Variants in GSK3B observed in about 807,000 individuals in gnomAD.
GSK3B encodes glycogen synthase kinase-3 beta.
GSK3B carries 15 observed loss-of-function variants against 56.4 expected under a neutral mutation model. The ratio of observed to expected loss-of-function variants is 0.27; its 90% CI spans 0.18 to 0.41. The LOEUF is 0.41. GSK3B is among the 10% of genes least tolerant of loss of function. The probability of loss-of-function intolerance (pLI) is 1.00; values close to 1 mark genes in which losing one functional copy is unlikely to be tolerated. For missense variants in GSK3B, 300 were observed against 513.4 expected, an observed-to-expected ratio of 0.58 and a Z score of 4.02; for synonymous variants, 181 against 188.9, an observed-to-expected ratio of 0.96 and a Z score of 0.34.
intron 2 of GSK3B, among the ~76,000 whole-genome samples, chr3:119,952,808 C>T (rs1164815558): frequency 1.3e-5 from 2 of 151,756 alleles, no homozygotes; most frequent in African/African-American, 2.4e-5. Context: ...GACATCCTCA[C>T]ACTTAAAAAA....
intron 2 of GSK3B, among the ~76,000 whole-genome samples, chr3:119,967,875 C>T (rs2057333933): frequency 7.7e-6 from 1 of 130,314 alleles, no homozygotes; most frequent in South Asian, 2.6e-4. Flanking sequence ...TCCTTTCTTT[C>T]TTGAAAGAGT....
intron 7 of GSK3B, among the ~76,000 whole-genome samples, chr3:119,885,814 A>G (rs1213059378): frequency 6.6e-6 from 1 of 152,174 alleles, no homozygotes; most frequent in Non-Finnish European, 1.5e-5. Context: ...TTCCCTATTC[A>G]ATAAATGGTG....
intron 1 of GSK3B, chr3:120,028,941 A>G: frequency 3.6e-6 from 2 of 553,164 alleles, no homozygotes; most frequent in Non-Finnish European, 6.8e-6. Context: ...ACACAGGCAC[A>G]AGTGGTGAAG....
chr3:120,015,264 CT>C (rs1351789063), intron 1 of GSK3B, among the ~76,000 whole-genome samples: 1 of 152,178 alleles, frequency 6.6e-6, no homozygotes, highest in African/African-American at 2.4e-5. Context: ...CCACTATGCT[CT>C]TTTACCACTC....
intron 1 of GSK3B, among the ~76,000 whole-genome samples, chr3:120,025,692 A>C (rs2057916618): frequency 6.6e-6 from 1 of 152,196 alleles, no homozygotes; most frequent in Non-Finnish European, 1.5e-5. Flanking sequence ...GTTAAACTCA[A>C]GGATAAAAAA....
intron 2 of GSK3B, among the ~76,000 whole-genome samples, chr3:119,996,841 T>C (rs555129799): frequency 6.6e-6 from 1 of 152,130 alleles, no homozygotes; most frequent in East Asian, 1.9e-4. Context: ...CAAAGCTATA[T>C]AGCAAGTCTG....
intron 3 of GSK3B, among the ~76,000 whole-genome samples, chr3:119,938,538 G>A (rs868275665): frequency 1.3e-5 from 2 of 151,934 alleles, no homozygotes; most frequent in South Asian, 2.1e-4. Flanking sequence ...AACCCCACAC[G>A]ATCATTTCAA....
chr3:119,980,855 A>T (rs1301592585), intron 2 of GSK3B, among the ~76,000 whole-genome samples: 3 of 152,344 alleles, frequency 2.0e-5, no homozygotes, highest in Middle Eastern at 3.4e-3. Flanking sequence ...AAAGAATCTT[A>T]TATGGTAAAT....
At chr3:119,913,732 C>G (rs1385478126) in intron 5 of GSK3B, among the ~76,000 whole-genome samples, 1 of 151,762 alleles carries the variant, frequency 6.6e-6, no homozygotes, top group Non-Finnish European at 1.5e-5. Flanking sequence ...ATTTCAATGA[C>G]TGGGATTTCT....
intron 3 of GSK3B, among the ~76,000 whole-genome samples, chr3:119,942,302 A>G (rs2057057380): frequency 6.6e-6 from 1 of 151,976 alleles, no homozygotes. Context: ...TTTTATTTTT[A>G]TTTTTTATTT....
chr3:119,838,626 T>C (rs1366631313), intron 10 of GSK3B, among the ~76,000 whole-genome samples: 2 of 152,160 alleles, frequency 1.3e-5, no homozygotes, highest in Non-Finnish European at 2.9e-5. Flanking sequence ...TTCATGAAAA[T>C]TGTTTTTTAT....
chr3:119,873,242 T>G (rs1427288568), intron 8 of GSK3B, among the ~76,000 whole-genome samples: 1 of 152,166 alleles, frequency 6.6e-6, no homozygotes, highest in Non-Finnish European at 1.5e-5. Context: ...CTCAGTGTTA[T>G]TTTTCTGCTA....
chr3:120,001,368 C>T (rs1396760136), intron 2 of GSK3B, among the ~76,000 whole-genome samples: 1 of 152,068 alleles, frequency 6.6e-6, no homozygotes, highest in Non-Finnish European at 1.5e-5. Context: ...CCCGTTTCTA[C>T]AAAATAGTAA....
At chr3:119,828,328 G>A (rs2055546928) in intron 10 of GSK3B, among the ~76,000 whole-genome samples, 1 of 152,164 alleles carries the variant, frequency 6.6e-6, no homozygotes, top group Non-Finnish European at 1.5e-5. Flanking sequence ...TGCTGTTTTA[G>A]TGGCTATCAA....
intron 1 of GSK3B, among the ~76,000 whole-genome samples, chr3:120,009,494 T>C (rs2057760409): frequency 6.6e-6 from 1 of 152,212 alleles, no homozygotes; most frequent in Non-Finnish European, 1.5e-5. Context: ...CATGGAATAC[T>C]ATGCCGCCAT....
chr3:120,065,278 T>C (rs1237705358), intron 1 of GSK3B, among the ~76,000 whole-genome samples: 1 of 151,914 alleles, frequency 6.6e-6, no homozygotes, highest in Admixed American at 6.6e-5. Context: ...AAAAAGACTA[T>C]CCAGTTTTTA....
intron 9 of GSK3B, among the ~76,000 whole-genome samples, chr3:119,845,344 G>C (rs1366394106): frequency 1.3e-5 from 2 of 152,130 alleles, no homozygotes; most frequent in Non-Finnish European, 2.9e-5. Context: ...AAGAAATAAA[G>C]GGTATTCAAA....
intron 7 of GSK3B, among the ~76,000 whole-genome samples, chr3:119,880,025 T>A (rs1225617859): frequency 6.6e-6 from 1 of 152,154 alleles, no homozygotes; most frequent in Non-Finnish European, 1.5e-5. Context: ...CTATTTTTAG[T>A]TTTTTTAGGA....
chr3:120,056,785 G>C (rs151161396), intron 1 of GSK3B, among the ~76,000 whole-genome samples: 2 of 152,330 alleles, frequency 1.3e-5, no homozygotes, highest in Non-Finnish European at 2.9e-5. Context: ...AAATGGGAAT[G>C]AGGACATGAA....
Sources: allele counts gnomAD v4.1 joint callset (sites outside exome capture counted in the v4.1 genomes callset), GRCh38; gene constraint gnomAD v4.1.1; transcripts MANE v1.5; gene names NCBI Gene and HGNC (gene_info 2026-07-23, HGNC 2026-07-21).